The following NCALD variants were observed in gnomAD, a reference collection of about 807,000 sequenced individuals.
NCALD encodes the protein neurocalcin delta.
In NCALD, 10 loss-of-function variants were observed where a neutral mutation model predicts 18.6. The observed-to-expected ratio is 0.54, with a 90% confidence interval of 0.33 to 0.91. The LOEUF (loss-of-function observed/expected upper bound fraction) is 0.91, where lower values mean the gene tolerates loss of function less well. Among genes scored for constraint, NCALD ranks in the 40% least tolerant of loss-of-function variants. The pLI, the probability that NCALD is intolerant of heterozygous loss-of-function variation, is 0.03. For missense variants in NCALD, 184 were observed against 247.6 expected (o/e 0.74, Z 1.72); for synonymous variants, 88 against 87.4 (o/e 1.01, Z -0.04).
Position 101,802,457 on chromosome 8 carries a change from G to A in NCALD, c.-19-82809C>T, listed in dbSNP as rs1051546774. Among the ~76,000 whole-genome samples the A allele has an allele frequency of 5.9e-5, 9 of 152,172 alleles. No homozygotes were observed. The East Asian group carries it at 1.7e-3, about 29-fold the overall frequency. ...GAAATGATTAGACTTAGTGAGAAAA[G>A]CGTGTTGAAAGCCAAGACAGGCTGA... On this transcript the variant is annotated intron_variant, in intron 4 of 6. Coordinates refer to the NCALD transcript ENST00000311028.
At position 102,057,257 on chromosome 8, in the gene NCALD, T is replaced by TATACACACAC. The variant is rs1554587795; in HGVS notation, c.-209-36969_-209-36968insGTGTGTGTAT. On this transcript the variant is annotated intron_variant, in intron 1 of 6. Transcript: ENST00000311028. ...TTCTCCCTTCTACTTGGCTAGTTCATACACACACACACACACACACACACA... is the reference window on the plus strand; with the variant it reads ...TTCTCCCTTCTACTTGGCTAGTTCATATACACACACACACACACACACACACACACACACA... Among the ~76,000 whole-genome samples the TATACACACAC allele has an allele frequency of 2.0e-5, 3 of 147,772 alleles. No individual in the cohort carries two copies. The East Asian group carries it at 6.1e-4, about 30-fold the overall frequency.
chr8:102,119,869 G>T (rs1825893844), intron 1 of NCALD, among the ~76,000 whole-genome samples: 1 of 152,184 alleles, frequency 6.6e-6, no homozygotes, highest in African/African-American at 2.4e-5. Context: ...TGTAGAAACT[G>T]CTCAAGAATA....
intron 2 of NCALD, among the ~76,000 whole-genome samples, chr8:101,921,741 A>C (rs1487994418): frequency 6.6e-6 from 1 of 152,218 alleles, no homozygotes; most frequent in East Asian, 1.9e-4. Context: ...ATTCTTATCT[A>C]AGACAGATTC....
At chr8:101,796,566 G>A (rs1423822008) in intron 4 of NCALD, among the ~76,000 whole-genome samples, 2 of 152,110 alleles carry the variant, frequency 1.3e-5, no homozygotes, top group Non-Finnish European at 2.9e-5. Flanking sequence ...GGGTTTAAGA[G>A]CAGAGAACAT....
intron 1 of NCALD, among the ~76,000 whole-genome samples, chr8:101,773,436 T>A (rs1406075022): frequency 6.6e-6 from 1 of 152,138 alleles, no homozygotes; most frequent in Non-Finnish European, 1.5e-5. Flanking sequence ...CCAGGCTAAT[T>A]GTATAAGTTT....
At chr8:102,087,698 T>A (rs1411945597) in intron 1 of NCALD, among the ~76,000 whole-genome samples, 2 of 152,198 alleles carry the variant, frequency 1.3e-5, no homozygotes, top group African/African-American at 4.8e-5. Context: ...CTGACGGCTA[T>A]GGGTGACAAA....
chr8:101,764,645 T>A (rs1206461426), intron 1 of NCALD, among the ~76,000 whole-genome samples: 1 of 152,152 alleles, frequency 6.6e-6, no homozygotes, highest in Non-Finnish European at 1.5e-5. Flanking sequence ...GAGAAAGTGT[T>A]ATTTTTGTTT....
intron 1 of NCALD, among the ~76,000 whole-genome samples, chr8:102,104,009 A>G (rs79822618): frequency 0.017 from 2,635 of 152,292 alleles, 103 homozygotes; most frequent in African/African-American, 0.06. Flanking sequence ...AGTTATATCT[A>G]CAAATACACA....
chr8:101,731,749 T>G (rs930958972), intron 1 of NCALD, among the ~76,000 whole-genome samples: 1 of 152,186 alleles, frequency 6.6e-6, no homozygotes, highest in Non-Finnish European at 1.5e-5. Context: ...CTTTCCCAGC[T>G]ACTCCAAGTC....
chr8:102,016,061 A>G (rs10105250), intron 2 of NCALD, among the ~76,000 whole-genome samples: 121,689 of 151,996 alleles, frequency 0.8, 49,006 homozygotes, highest in African/African-American at 0.87. Flanking sequence ...ACTGGTAGAG[A>G]ACCAAAACAT....
Position 101,696,759 on chromosome 8 carries a change from C to A in NCALD, c.379-3863G>T, listed in dbSNP as rs1385637132. Reference sequence around the variant, plus strand: ...GGTGTTCAGAGAATTGAAAAGTAGTCATTTGCAACATACCAGAATCTCTGG... The same window carrying A: ...GGTGTTCAGAGAATTGAAAAGTAGTAATTTGCAACATACCAGAATCTCTGG... On this transcript the variant is annotated intron_variant, in intron 2 of 3. Coordinates refer to ENST00000220931, the MANE Select transcript of NCALD (RefSeq NM_032041.3). 2.0e-5 allele frequency among the ~76,000 whole-genome samples: 3 copies of A among 152,118 alleles called. No homozygotes were observed. In the East Asian group the frequency reaches 5.8e-4, roughly 29 times the overall value.
chr8:102,067,509 A>T (rs1294707595), intron 1 of NCALD, among the ~76,000 whole-genome samples: 2 of 152,162 alleles, frequency 1.3e-5, no homozygotes, highest in Non-Finnish European at 2.9e-5. Flanking sequence ...TAATTTTAGC[A>T]AGGACTTTCC....
chr8:102,090,181 T>C (rs1326285271), intron 1 of NCALD, among the ~76,000 whole-genome samples: 1 of 152,234 alleles, frequency 6.6e-6, no homozygotes, highest in Non-Finnish European at 1.5e-5. Flanking sequence ...GTTATTGGTA[T>C]GTGTTCCAAA....
intron 1 of NCALD, among the ~76,000 whole-genome samples, chr8:101,726,557 A>T (rs1338657210): frequency 6.6e-6 from 1 of 152,188 alleles, no homozygotes; most frequent in Non-Finnish European, 1.5e-5. Context: ...ATAAGGATAA[A>T]GTTAACATTT....
intron 4 of NCALD, among the ~76,000 whole-genome samples, chr8:101,863,413 T>C (rs188399668): frequency 5.3e-5 from 8 of 152,346 alleles, no homozygotes; most frequent in African/African-American, 1.9e-4. Flanking sequence ...CTGTATCACC[T>C]CTATCACCTC....
intron 2 of NCALD, among the ~76,000 whole-genome samples, chr8:102,013,708 TCTCA>T (rs1396264298): frequency 6.6e-6 from 1 of 152,150 alleles, no homozygotes; most frequent in African/African-American, 2.4e-5. Context: ...ACTTCATGTC[TCTCA>T]CTAAGTGGGG....
intron 1 of NCALD, among the ~76,000 whole-genome samples, chr8:102,067,885 G>A (rs772617430): frequency 2.2e-4 from 34 of 152,024 alleles, no homozygotes; most frequent in Non-Finnish European, 2.8e-4. Context: ...CTCTTTCCTG[G>A]TCTAATACAA....
At position 102,046,720 on chromosome 8, in the gene NCALD, C is replaced by T. The variant is rs138717630; in HGVS notation, c.-209-26431G>A. ...CGGTTTGCCATCCATCTCAAGCAAT[C>T]TGCCCATCTCAGCCTCCGGAAGTAC... On this transcript the variant is annotated intron_variant, in intron 1 of 6. Coordinates refer to the NCALD transcript ENST00000311028. Among the ~76,000 whole-genome samples, 1,236 of 151,706 alleles carry T rather than the reference C, an allele frequency of 8.1e-3. 11 individuals carry two copies. Among genetic ancestry groups the T allele is most frequent in the Middle Eastern group, 0.024 (7 of 288 alleles).
intron 1 of NCALD, among the ~76,000 whole-genome samples, chr8:101,777,219 T>C (rs973163810): frequency 1.3e-5 from 2 of 152,212 alleles, no homozygotes; most frequent in African/African-American, 2.4e-5. Flanking sequence ...ATTCAGTCCC[T>C]GAGTTATTCA....
Sources: allele counts gnomAD v4.1 joint callset (sites outside exome capture counted in the v4.1 genomes callset), GRCh38; gene constraint gnomAD v4.1.1; transcripts MANE v1.5; gene names NCBI Gene and HGNC (gene_info 2026-07-23, HGNC 2026-07-21).